Variants in DPP8 observed in about 807,000 individuals in gnomAD.
The protein encoded by DPP8 is dipeptidyl peptidase 8.
DPP8 carries 31 observed loss-of-function variants against 107.5 expected under a neutral mutation model. The ratio of observed to expected loss-of-function variants is 0.29; its 90% CI spans 0.22 to 0.39. DPP8 has a LOEUF of 0.39. Ranked by LOEUF, DPP8 falls within the 10% of genes least tolerant of loss-of-function variation. The pLI is 1.00. For missense variants in DPP8, 842 were observed against 1,076.1 expected (o/e 0.78, Z 3.04); for synonymous variants, 381 against 356.6 (o/e 1.07, Z -0.77).
intron 5 of DPP8, among the ~76,000 whole-genome samples, chr15:65,494,621 T>C (rs545252738): frequency 1.8e-5 from 2 of 108,758 alleles, no homozygotes; most frequent in East Asian, 2.7e-4. Flanking sequence ...AGTGAGCCAA[T>C]AGGAGACCCT....
chr15:65,462,200 C>G lies in DPP8; in HGVS notation c.1971+1561G>C, dbSNP rs1328812299. 4.0e-5 allele frequency among the ~76,000 whole-genome samples: 6 copies of G among 151,752 alleles called. No homozygotes were observed. In the South Asian group the frequency reaches 1.0e-3, roughly 26 times the overall value. ...GCCAGGCTGGTCTTGAACTCCTGACCTCAGGTGATCCTGCTGCCTCAGCCT... is the reference window on the plus strand; with the variant it reads ...GCCAGGCTGGTCTTGAACTCCTGACGTCAGGTGATCCTGCTGCCTCAGCCT... On this transcript the variant is annotated intron_variant, in intron 15 of 19. Transcript: ENST00000300141.
chr15:65,514,125 A>G (rs1335487886), intron 1 of DPP8, among the ~76,000 whole-genome samples: 1 of 152,256 alleles, frequency 6.6e-6, no homozygotes, highest in Non-Finnish European at 1.5e-5. Context: ...GAATTAGTCC[A>G]TTAAGCACAC....
intron 8 of DPP8, among the ~76,000 whole-genome samples, chr15:65,482,366 C>T (rs2067008289): frequency 6.6e-6 from 1 of 151,536 alleles, no homozygotes; most frequent in Non-Finnish European, 1.5e-5. Context: ...ACTGCAACCT[C>T]TGCCTCCCGG....
At chr15:65,505,041 T>C (rs550966373) in intron 3 of DPP8, among the ~76,000 whole-genome samples, 1 of 151,936 alleles carries the variant, frequency 6.6e-6, no homozygotes, top group Non-Finnish European at 1.5e-5. Context: ...AGGAATGACA[T>C]ATCTGGTATC....
chr15:65,459,720 C>T (rs1434816828), intron 15 of DPP8, among the ~76,000 whole-genome samples: 13 of 151,946 alleles, frequency 8.6e-5, no homozygotes, highest in Non-Finnish European at 1.0e-4. Context: ...TTTGGGAGGC[C>T]GAGGTGGGTA....
At chr15:65,496,884 A>C (rs1203579710) in intron 5 of DPP8, among the ~76,000 whole-genome samples, 1 of 151,096 alleles carries the variant, frequency 6.6e-6, no homozygotes, top group East Asian at 1.9e-4. Flanking sequence ...TACCCGCCTC[A>C]GTCTCAAGTA....
chr15:65,496,464 T>C (rs2068611773), intron 5 of DPP8, among the ~76,000 whole-genome samples: 1 of 152,178 alleles, frequency 6.6e-6, no homozygotes, highest in African/African-American at 2.4e-5. Context: ...AATACACTAT[T>C]TCCCATCTTT....
At chr15:65,497,452 C>T (rs2068725441) in intron 5 of DPP8, among the ~76,000 whole-genome samples, 1 of 151,936 alleles carries the variant, frequency 6.6e-6, no homozygotes, top group South Asian at 2.1e-4. Flanking sequence ...CGAGGTGTCA[C>T]CATGTTGCCC....
intron 15 of DPP8, among the ~76,000 whole-genome samples, chr15:65,460,316 G>A (rs891480500): frequency 2.0e-5 from 3 of 152,058 alleles, no homozygotes; most frequent in African/African-American, 4.8e-5. Flanking sequence ...GGTGGTGCAC[G>A]CCTGTAATCC....
intron 7 of DPP8, 44 bp downstream of exon 7, chr15:65,487,646 G>T (rs746561317): frequency 1.9e-6 from 3 of 1,570,086 alleles, no homozygotes; most frequent in Non-Finnish European, 2.6e-6. Flanking sequence ...ATCTTATTTG[G>T]AAAGAGGAAA....
chr15:65,504,403 G>C (rs991535263), intron 3 of DPP8, among the ~76,000 whole-genome samples: 1 of 151,380 alleles, frequency 6.6e-6, no homozygotes, highest in Non-Finnish European at 1.5e-5. Context: ...CGGGTGCAGC[G>C]GCTCACGCTT....
At chr15:65,515,032 T>C (rs1274300729) in intron 1 of DPP8, among the ~76,000 whole-genome samples, 1 of 152,188 alleles carries the variant, frequency 6.6e-6, no homozygotes, top group East Asian at 1.9e-4. Flanking sequence ...AGTCTCACTG[T>C]TGCCCAAGCT....
At chr15:65,455,741 A>G in intron 16 of DPP8, 1 of 1,272,350 alleles carries the variant, frequency 7.9e-7, no homozygotes, top group Middle Eastern at 2.2e-4. Context: ...TGGCAAACAC[A>G]GTAACTGCCT....
At chr15:65,456,971 T>A (rs1453922361) in intron 15 of DPP8, among the ~76,000 whole-genome samples, 1 of 152,246 alleles carries the variant, frequency 6.6e-6, no homozygotes, top group Non-Finnish European at 1.5e-5. Flanking sequence ...ATCTTTTGCA[T>A]GGCTCATTCC....
At position 65,447,020 on chromosome 15, in the gene DPP8, A is replaced by G; in HGVS notation, c.2527-14T>C. On this transcript the variant is annotated splice_polypyrimidine_tract_variant and intron_variant, in intron 19 of 19. Coordinates refer to ENST00000300141, the MANE Select transcript of DPP8 (RefSeq NM_130434.5). ...CTGAGGATAGATCTTACCAACAACAAAAAATAAAGATACAAAAAAAAAAAA... is the reference window on the plus strand; with the variant it reads ...CTGAGGATAGATCTTACCAACAACAGAAAATAAAGATACAAAAAAAAAAAA... 1 of 1,545,596 alleles carries G rather than the reference A, an allele frequency of 6.5e-7. No homozygotes were observed.
chr15:65,502,551 A>G (rs186689676), intron 3 of DPP8, among the ~76,000 whole-genome samples: 132 of 152,118 alleles, frequency 8.7e-4, no homozygotes, highest in African/African-American at 3.0e-3. Context: ...GCTGGTGCGC[A>G]TCTGTAGTCC....
At chr15:65,488,103 A>G (rs988491074) in intron 6 of DPP8, among the ~76,000 whole-genome samples, 3 of 152,214 alleles carry the variant, frequency 2.0e-5, no homozygotes, top group African/African-American at 7.2e-5. Flanking sequence ...CATAAAATGC[A>G]TTCTTTGTTG....
At chr15:65,479,658 C>T (rs867971798) in intron 10 of DPP8, among the ~76,000 whole-genome samples, 9 of 151,576 alleles carry the variant, frequency 5.9e-5, no homozygotes, top group Non-Finnish European at 1.0e-4. Context: ...TCCTGGCTAA[C>T]AAGGTGAAAC....
chr15:65,465,168 T>A (rs1004682841), intron 14 of DPP8, among the ~76,000 whole-genome samples: 1 of 108,930 alleles, frequency 9.2e-6, no homozygotes, highest in African/African-American at 5.3e-5. Flanking sequence ...TTGTTTTTTC[T>A]TTTTTTTTTT....
Sources: allele counts gnomAD v4.1 joint callset (sites outside exome capture counted in the v4.1 genomes callset), GRCh38; gene constraint gnomAD v4.1.1; transcripts MANE v1.5; gene names NCBI Gene and HGNC (gene_info 2026-07-23, HGNC 2026-07-21).